The following EXT1 variants were observed in gnomAD, a reference collection of about 807,000 sequenced individuals.
EXT1 encodes exostosin glycosyltransferase 1.
EXT1 carries 20 observed loss-of-function variants against 82.5 expected under a neutral mutation model. The ratio of observed to expected loss-of-function variants is 0.24; its 90% CI spans 0.17 to 0.35. The LOEUF is 0.35. Among genes scored for constraint, EXT1 ranks in the 10% least tolerant of loss-of-function variants. EXT1 has a pLI of 1.00. For synonymous variants in EXT1, 348 were observed against 350.8 expected (o/e 0.99, Z 0.09); for missense variants, 757 against 936.5 (o/e 0.81, Z 2.50).
At position 118,037,836 on chromosome 8, in the gene EXT1, G is replaced by GTTTTTTTTT. The variant is rs58862041; in HGVS notation, c.962+72240_962+72248dup. Among the ~76,000 whole-genome samples the GTTTTTTTTT allele has an allele frequency of 1.9e-3, 204 of 107,284 alleles. 2 individuals are homozygous for GTTTTTTTTT. Among genetic ancestry groups the GTTTTTTTTT allele is most frequent in the African/African-American group, 3.2e-3 (75 of 23,730 alleles). 70.4% of individuals were successfully genotyped at this position (107,284 alleles called of 152,430 possible). On this transcript the variant is annotated intron_variant, in intron 1 of 10. Coordinates refer to ENST00000378204, the MANE Select transcript of EXT1 (RefSeq NM_000127.3). Reference sequence around the variant, plus strand: ...CTTTGTATCAACAAGAGTGTTTTTTGTTTTTTTTTTTTTTTTTTTTTGAGA... The same window carrying GTTTTTTTTT: ...CTTTGTATCAACAAGAGTGTTTTTTGTTTTTTTTTTTTTTTTTTTTTTTTTTTTTTGAGA...
At chr8:117,976,576 TACTG>T (rs1394552054) in intron 1 of EXT1, among the ~76,000 whole-genome samples, 2 of 152,118 alleles carry the variant, frequency 1.3e-5, no homozygotes, top group Non-Finnish European at 2.9e-5. Flanking sequence ...CAAAAGAAAT[TACTG>T]ACTGAGAGAA....
chr8:118,060,534 A>G (rs1484371135), intron 1 of EXT1, among the ~76,000 whole-genome samples: 1 of 152,108 alleles, frequency 6.6e-6, no homozygotes, highest in Non-Finnish European at 1.5e-5. Flanking sequence ...CAACTTGTAC[A>G]CTCTCAGGAA....
In EXT1 at chr8:117,907,797, T is replaced by G. The variant is rs539471586; in HGVS notation, c.963-70596A>C. Among the ~76,000 whole-genome samples the G allele has an allele frequency of 1.2e-4, 19 of 152,312 alleles. No individual in the cohort carries two copies. The South Asian group carries it at 3.1e-3, about 25-fold the overall frequency. On this transcript the variant is annotated intron_variant, in intron 1 of 10. Transcript: ENST00000378204. Reference sequence around the variant, plus strand: ...AATTAATGGGTAAGTATTTATCCACTATTAGGAAACTCTCACTTTTTGAAG... The same window carrying G: ...AATTAATGGGTAAGTATTTATCCACGATTAGGAAACTCTCACTTTTTGAAG...
At chr8:117,838,287 T>G (rs1812219411) in intron 1 of EXT1, among the ~76,000 whole-genome samples, 1 of 152,246 alleles carries the variant, frequency 6.6e-6, no homozygotes, top group South Asian at 2.1e-4. Context: ...AATAGTCTAA[T>G]TTAATCATAG....
At chr8:118,095,431 G>GTC in intron 1 of EXT1, among the ~76,000 whole-genome samples, 1 of 152,082 alleles carries the variant, frequency 6.6e-6, no homozygotes, top group Admixed American at 6.6e-5. Flanking sequence ...ATCAATAAAA[G>GTC]ACTGACTGCC....
At chr8:117,985,396 C>T (rs752863667) in intron 1 of EXT1, among the ~76,000 whole-genome samples, 6 of 152,122 alleles carry the variant, frequency 3.9e-5, no homozygotes, top group Non-Finnish European at 8.8e-5. Context: ...CCTTGTAGTT[C>T]GGTCCCTAAC....
intron 3 of EXT1, among the ~76,000 whole-genome samples, chr8:117,832,505 A>G (rs1812117582): frequency 6.6e-6 from 1 of 151,568 alleles, no homozygotes; most frequent in South Asian, 2.1e-4. Context: ...CCTGGGTGAC[A>G]GAGCAAGACT....
At chr8:117,903,131 G>A (rs1001632736) in intron 1 of EXT1, among the ~76,000 whole-genome samples, 8 of 152,226 alleles carry the variant, frequency 5.3e-5, no homozygotes, top group Non-Finnish European at 1.2e-4. Flanking sequence ...CAGCACAAGG[G>A]AAGCATGAGA....
At position 118,110,137 on chromosome 8, in the gene EXT1, A is replaced by C. The variant is rs1413726979; in HGVS notation, c.910T>G (p.Trp304Gly). ...LLTTCKHGKDWQKHKDSRCDR... is the reference protein window; with the variant it reads ...LLTTCKHGKDGQKHKDSRCDR... ...CAGCGAGAATCCTTGTGCTTTTGCC[A>C]GTCTTTGCCATGCTTGCAGGTGGTG... The change falls in exon 1 of 11, where the codon TGG becomes GGG. Residue 304 changes from tryptophan to glycine, a missense_variant. Around this residue, in one of 4 missense-constraint regions of EXT1, gnomAD observed 247 missense variants for 330.1 expected, o/e 0.75. Transcript: ENST00000378204. 6.2e-7 allele frequency: 1 copy of C among 1,614,218 alleles called. No individual in the cohort carries two copies. The highest frequency in any genetic ancestry group is 8.5e-7 in the Non-Finnish European group (1 of 1,180,040).
chr8:117,929,771 T>C (rs2129646234), intron 1 of EXT1, among the ~76,000 whole-genome samples: 1 of 152,322 alleles, frequency 6.6e-6, no homozygotes, highest in African/African-American at 2.4e-5. Context: ...TATATGGGTA[T>C]GTATCTCAAT....
chr8:117,803,053 G>A (rs999214416), intron 10 of EXT1, among the ~76,000 whole-genome samples: 2 of 152,112 alleles, frequency 1.3e-5, no homozygotes, highest in African/African-American at 2.4e-5. Context: ...TGAGAACAAG[G>A]CACATGCAAA....
Position 118,111,485 on chromosome 8 carries a change from C to T in EXT1, c.-439G>A. On this transcript the variant is annotated 5_prime_UTR_variant, in exon 1 of 11. Transcript: ENST00000378204. ...ATGAGCCCCGGGAAGGCAACTTCAA[C>T]TCATCCACCACTCTCCGTGCAGAGC... 1.8e-6 allele frequency: 1 copy of T among 542,842 alleles called. No individual in the cohort carries two copies. The highest frequency in any genetic ancestry group is 3.2e-6 in the Non-Finnish European group (1 of 310,464). The allele number at this position is 542,842 out of a possible 1,614,324, so 33.6% of individuals were successfully genotyped here. A position where few individuals can be genotyped will look rare whatever the true frequency, so the allele number is the denominator to read the frequency against.
intron 10 of EXT1, among the ~76,000 whole-genome samples, 191 bp downstream of exon 10, chr8:117,804,531 T>C (rs972319950): frequency 6.6e-6 from 1 of 152,226 alleles, no homozygotes; most frequent in African/African-American, 2.4e-5. Flanking sequence ...ATAAAGATAC[T>C]CTTAACTTGT....
chr8:117,993,217 C>T (rs1449924268), intron 1 of EXT1, among the ~76,000 whole-genome samples: 1 of 152,126 alleles, frequency 6.6e-6, no homozygotes, highest in East Asian at 1.9e-4. Context: ...ATTTCATCTC[C>T]TGCTGGCTGA....
At chr8:117,895,437 T>C (rs1813318264) in intron 1 of EXT1, among the ~76,000 whole-genome samples, 1 of 152,102 alleles carries the variant, frequency 6.6e-6, no homozygotes, top group African/African-American at 2.4e-5. Context: ...TGCAATTATA[T>C]TATAAAACAT....
At chr8:117,961,081 C>T (rs1173433921) in intron 1 of EXT1, among the ~76,000 whole-genome samples, 1 of 152,154 alleles carries the variant, frequency 6.6e-6, no homozygotes, top group Non-Finnish European at 1.5e-5. Flanking sequence ...CCAACTTTGA[C>T]CAAATTTCAG....
intron 1 of EXT1, among the ~76,000 whole-genome samples, chr8:117,846,142 C>CT (rs1174273264): frequency 6.6e-6 from 1 of 152,048 alleles, no homozygotes; most frequent in African/African-American, 2.4e-5. Context: ...TCTTCTTGCT[C>CT]TGTTGCTCAG....
intron 1 of EXT1, among the ~76,000 whole-genome samples, chr8:117,974,735 G>A (rs539394470): frequency 6.6e-6 from 1 of 152,228 alleles, no homozygotes; most frequent in South Asian, 2.1e-4. Context: ...CCAAAGTATT[G>A]GGATTACAGG....
intron 1 of EXT1, among the ~76,000 whole-genome samples, chr8:118,007,111 C>T (rs1477110760): frequency 2.0e-5 from 3 of 152,144 alleles, no homozygotes; most frequent in Non-Finnish European, 4.4e-5. Flanking sequence ...TCTTGGCTAA[C>T]ACGGTGAAAC....
Sources: gnomAD v4.1 joint callset for allele counts (sites outside exome capture counted in the v4.1 genomes callset) on GRCh38, gnomAD v4.1.1 for gene constraint, gnomAD v4.1.1 regional missense constraint, MANE v1.5 for transcripts, NCBI Gene and HGNC (gene_info 2026-07-23, HGNC 2026-07-21) for gene names.